Variants in LTBP1 observed in about 807,000 individuals in gnomAD.
LTBP1 encodes latent-transforming growth factor beta-binding protein 1.
Under a neutral mutation model 207.6 loss-of-function variants are expected in LTBP1, and 129 were observed. That is an observed-to-expected ratio of 0.62 (90% CI 0.54 to 0.72). The LOEUF (loss-of-function observed/expected upper bound fraction) is 0.72, where lower values mean the gene tolerates loss of function less well. Among genes scored for constraint, LTBP1 ranks in the 30% least tolerant of loss-of-function variants. The pLI is 0.00. For synonymous variants in LTBP1, 963 were observed against 833.7 expected, an observed-to-expected ratio of 1.16 and a Z score of -2.67; for missense variants, 2,281 against 2,217.2, an observed-to-expected ratio of 1.03 and a Z score of -0.58.
chr2:32,999,609 C>T lies in LTBP1; in HGVS notation c.566-21300C>T, dbSNP rs115246658. Among the ~76,000 whole-genome samples the T allele has an allele frequency of 3.8e-3, 514 of 134,182 alleles. 81 individuals carry two copies. Among genetic ancestry groups the T allele is most frequent in the African/African-American group, 0.013 (485 of 38,644 alleles). The allele number at this position is 134,182 out of a possible 152,430, so 88.0% of individuals were successfully genotyped here. A position where few individuals can be genotyped will look rare whatever the true frequency, so the allele number is the denominator to read the frequency against. ...TCCCTGCCTCAAAAAGATCCAGAGG[C>T]GGCTGGGCGCGGTGGCTCACGCCTG... is the stretch of plus-strand genomic sequence containing the variant. On this transcript the variant is annotated intron_variant, in intron 2 of 33. Transcript: ENST00000404816.
Position 33,132,778 on chromosome 2 carries a change from TTTC to T in LTBP1, c.1034-2007_1034-2005del, listed in dbSNP as rs538071849. 2.0e-3 allele frequency among the ~76,000 whole-genome samples: 306 copies of T among 152,306 alleles called. 2 individuals carry two copies. Among genetic ancestry groups the T allele is most frequent in the African/African-American group, 6.5e-3 (272 of 41,562 alleles). On this transcript the variant is annotated intron_variant, in intron 4 of 33. Transcript: ENST00000404816. ...GGCTTTCTCCTCCAGAGGAATAATT[TTTC>T]TTCTTCTAAGTGAGATGACCAACCC...
At chr2:33,325,944 C>G (rs1209747230) in intron 24 of LTBP1, among the ~76,000 whole-genome samples, 1 of 151,464 alleles carries the variant, frequency 6.6e-6, no homozygotes, top group African/African-American at 2.4e-5. Context: ...TACACTTTTT[C>G]TGTTTTATAA....
In LTBP1 at chr2:33,361,473, G is replaced by A. The variant is rs747140785; in HGVS notation, c.4228G>A (p.Ala1410Thr). The part of the protein sequence containing the change: ...MCPKGKGFVP[A>T]GESSSEAGGE... ...TCCCAAAGGGAAAGGTTTTGTGCCT[G>A]CTGGAGAATCATCTTCTGAAGCTGG... Residue 1410 changes from alanine (A) to threonine (T), a missense_variant, in exon 28 of 34, where the codon GCT becomes ACT. This residue lies in a region of LTBP1 where 1,671 missense variants were observed against 1,634.8 expected (regional missense o/e 1.02). Transcript: ENST00000404816. 1 of 1,611,670 alleles carries A rather than the reference G, an allele frequency of 6.2e-7. No individual in the cohort carries two copies. Among genetic ancestry groups the A allele is most frequent in the South Asian group, 1.1e-5 (1 of 90,960 alleles).
chr2:33,080,610 A>G (rs750843338), intron 3 of LTBP1, among the ~76,000 whole-genome samples: 1 of 152,222 alleles, frequency 6.6e-6, no homozygotes, highest in Non-Finnish European at 1.5e-5. Flanking sequence ...AATAACTGAC[A>G]TAGCAATCTT....
At chr2:33,247,432 G>C (rs2092547803) in intron 10 of LTBP1, among the ~76,000 whole-genome samples, 1 of 152,218 alleles carries the variant, frequency 6.6e-6, no homozygotes, top group Non-Finnish European at 1.5e-5. Context: ...TTCTAGATCA[G>C]GAGTTGGCAA....
chr2:33,125,526 G>A (rs565454760), intron 4 of LTBP1, among the ~76,000 whole-genome samples: 1 of 152,052 alleles, frequency 6.6e-6, no homozygotes, highest in East Asian at 1.9e-4. Flanking sequence ...GTTATCAGTT[G>A]CTGCATAAAA....
rs561937605 is a variant in LTBP1 at position 32,975,177 on chromosome 2, T to C, written c.565+26232T>C. On this transcript the variant is annotated intron_variant, in intron 2 of 33. Coordinates refer to ENST00000404816, the MANE Select transcript of LTBP1 (RefSeq NM_206943.4). Reference sequence around the variant, plus strand: ...TATAAAACTCTTGGTTGAAGTTTCTTTTCTTTAAGAATACTATATTTTGGC... The same window carrying C: ...TATAAAACTCTTGGTTGAAGTTTCTCTTCTTTAAGAATACTATATTTTGGC... Among the ~76,000 whole-genome samples, 4 of 152,366 alleles carry C rather than the reference T, an allele frequency of 2.6e-5. No homozygotes were observed. The South Asian group carries it at 8.3e-4, about 32-fold the overall frequency.
At chr2:33,385,209 A>C in intron 31 of LTBP1, among the ~76,000 whole-genome samples, 1 of 152,220 alleles carries the variant, frequency 6.6e-6, no homozygotes, top group Admixed American at 6.5e-5. Context: ...AAGTCTAGGA[A>C]GACTTCTCTA....
intron 2 of LTBP1, among the ~76,000 whole-genome samples, chr2:33,007,363 C>T (rs1481593316): frequency 6.6e-6 from 1 of 152,212 alleles, no homozygotes; most frequent in Non-Finnish European, 1.5e-5. Flanking sequence ...TCCTTAGTCA[C>T]ATAATGCTAC....
chr2:33,215,719 T>TTG (rs1052628330), intron 7 of LTBP1, among the ~76,000 whole-genome samples: 5 of 144,126 alleles, frequency 3.5e-5, no homozygotes, highest in Non-Finnish European at 6.1e-5. Flanking sequence ...TTCTTTTGTT[T>TTG]TTTGTTTTTT....
chr2:33,103,431 GCACCATGTGTGT>G (rs1683442371), intron 3 of LTBP1, among the ~76,000 whole-genome samples: 1 of 152,138 alleles, frequency 6.6e-6, no homozygotes, highest in Admixed American at 6.5e-5. Flanking sequence ...TATGCTGTAT[GCACCATGTGTGT>G]AGTCTGTATG....
chr2:33,299,194 A>G (rs185154802), intron 20 of LTBP1, among the ~76,000 whole-genome samples: 10 of 151,664 alleles, frequency 6.6e-5, no homozygotes, highest in African/African-American at 2.2e-4. Flanking sequence ...GTGAGCCGAG[A>G]TAGCGCCACT....
rs113173832 is a variant in LTBP1, at chr2:33,361,534, C to T, written c.4270+19C>T. 1 of 1,570,014 alleles carries T rather than the reference C, an allele frequency of 6.4e-7. No homozygotes were observed. The highest frequency in any genetic ancestry group is 8.8e-7 in the Non-Finnish European group (1 of 1,142,096). On this transcript the variant is annotated intron_variant, in intron 28 of 33. Transcript: ENST00000404816. ...TATAAAGGTCAGAATCAAGTGGAAACAAATTTTCAGCACATTGTGTACATG... is the reference window on the plus strand; with the variant it reads ...TATAAAGGTCAGAATCAAGTGGAAATAAATTTTCAGCACATTGTGTACATG...
At chr2:33,073,638 T>C (rs1038190506) in intron 3 of LTBP1, among the ~76,000 whole-genome samples, 6 of 152,172 alleles carry the variant, frequency 3.9e-5, no homozygotes, top group African/African-American at 1.4e-4. Context: ...TTTCTTTCTT[T>C]TTTTTTTGGA....
At chr2:33,167,854 C>T (rs1029706215) in intron 5 of LTBP1, among the ~76,000 whole-genome samples, 24 of 152,104 alleles carry the variant, frequency 1.6e-4, no homozygotes, top group African/African-American at 5.6e-4. Flanking sequence ...GCCCTTCTGC[C>T]ATGATTAGGT....
chr2:33,313,029 A>G (rs148116211), intron 23 of LTBP1, among the ~76,000 whole-genome samples: 7 of 152,366 alleles, frequency 4.6e-5, no homozygotes, highest in African/African-American at 1.4e-4. Flanking sequence ...TCAAACTTCA[A>G]AAAGGATGGC....
Position 33,392,592 on chromosome 2 carries a change from G to A in LTBP1, c.4834+3286G>A, listed in dbSNP as rs570444104. Among the ~76,000 whole-genome samples, 15 of 152,322 alleles carry A rather than the reference G, an allele frequency of 9.8e-5. 1 individual carries two copies. The East Asian group carries it at 2.9e-3, about 29-fold the overall frequency. On this transcript the variant is annotated intron_variant, in intron 32 of 33. Transcript: ENST00000404816. ...CCCTAGATAGCACAGCAGCAAATGG[G>A]CGTGGCTGGGTTTATTTACAAAAAT...
chr2:33,122,188 T>C (rs1442648618), intron 4 of LTBP1, among the ~76,000 whole-genome samples: 2 of 152,008 alleles, frequency 1.3e-5, no homozygotes, highest in Admixed American at 6.5e-5. Context: ...TCGAGAGGAA[T>C]TGCGTATTTC....
chr2:33,030,153 G>A lies in LTBP1; in HGVS notation c.863+8947G>A, dbSNP rs1441735506. Among the ~76,000 whole-genome samples the A allele has an allele frequency of 3.9e-5, 6 of 152,330 alleles. No homozygotes were observed. In the South Asian group the frequency reaches 8.3e-4, roughly 21 times the overall value. On this transcript the variant is annotated intron_variant, in intron 3 of 33. Transcript: ENST00000404816. ...GGACAGCATTCGAAGTGAGGCATCA[G>A]TCTTCCTTAATTTGTTCAAAGCCTC... is the stretch of plus-strand genomic sequence containing the variant.
Sources: gnomAD v4.1 joint callset for allele counts (sites outside exome capture counted in the v4.1 genomes callset) on GRCh38, gnomAD v4.1.1 for gene constraint, gnomAD v4.1.1 regional missense constraint, MANE v1.5 for transcripts, NCBI Gene and HGNC (gene_info 2026-07-23, HGNC 2026-07-21) for gene names.